ZSWIM6: variants seen among roughly 807,000 people sequenced by gnomAD.
ZSWIM6 encodes zinc finger SWIM domain-containing protein 6.
In ZSWIM6, 9 loss-of-function variants were observed where a neutral mutation model predicts 113.2. The ratio of observed to expected loss-of-function variants is 0.08; its 90% CI spans 0.05 to 0.14. ZSWIM6 has a LOEUF of 0.14. Ranked by LOEUF, ZSWIM6 falls within the 10% of genes least tolerant of loss-of-function variation. The pLI, the probability that ZSWIM6 is intolerant of heterozygous loss-of-function variation, is 1.00. For missense variants in ZSWIM6, 1,162 were observed against 1,552.2 expected (o/e 0.75, Z 4.22); for synonymous variants, 611 against 606.5 (o/e 1.01, Z -0.11).
chr5:61,349,844 T>C (rs561421177), intron 1 of ZSWIM6, among the ~76,000 whole-genome samples: 5 of 152,344 alleles, frequency 3.3e-5, no homozygotes, highest in African/African-American at 1.2e-4. Context: ...GTTTCATTTT[T>C]AAAAGAAATT....
intron 9 of ZSWIM6, among the ~76,000 whole-genome samples, chr5:61,533,852 G>A (rs1749508073): frequency 6.6e-6 from 1 of 152,206 alleles, no homozygotes; most frequent in African/African-American, 2.4e-5. Flanking sequence ...TCTGGAGGCT[G>A]GGAAGTTTAG....
intron 1 of ZSWIM6, among the ~76,000 whole-genome samples, chr5:61,338,781 G>C (rs1744461782): frequency 6.6e-6 from 1 of 152,158 alleles, no homozygotes; most frequent in Non-Finnish European, 1.5e-5. Flanking sequence ...TACACCCTGG[G>C]ATTGAAAAGG....
chr5:61,349,913 A>C (rs760106294), intron 1 of ZSWIM6, among the ~76,000 whole-genome samples: 8 of 152,240 alleles, frequency 5.3e-5, no homozygotes, highest in Admixed American at 2.0e-4. Context: ...TGCAAAAAAA[A>C]CACATAACTT....
chr5:61,471,788 T>C (rs1039651381), intron 1 of ZSWIM6, among the ~76,000 whole-genome samples: 3 of 152,186 alleles, frequency 2.0e-5, no homozygotes, highest in Non-Finnish European at 4.4e-5. Context: ...TGGAAAATTA[T>C]CTAATTGTCT....
chr5:61,451,445 A>G (rs1747085747), intron 1 of ZSWIM6, among the ~76,000 whole-genome samples: 1 of 152,170 alleles, frequency 6.6e-6, no homozygotes. Flanking sequence ...TGCATAAGAT[A>G]CTTCAAAATC....
Position 61,531,511 on chromosome 5 carries a change from A to G in ZSWIM6, c.2031A>G (p.Ala677=). 1 of 1,551,720 alleles carries G rather than the reference A, an allele frequency of 6.4e-7. No individual in the cohort carries two copies. The highest frequency in any genetic ancestry group is 1.2e-5 in the South Asian group (1 of 84,064). The change falls in exon 9 of 14, where the codon GCA becomes GCG. Residue 677 remains alanine, a synonymous_variant. Coordinates refer to ENST00000252744, the MANE Select transcript of ZSWIM6 (RefSeq NM_020928.2). The part of the protein sequence containing the change: ...CKSLEYQHLP[A]HKFLEEGESY... Reference sequence around the variant, plus strand: ...CTCTGGAATACCAGCATCTACCTGCACACAAATTCTTAGAAGAAGGGGAAT... The same window carrying G: ...CTCTGGAATACCAGCATCTACCTGCGCACAAATTCTTAGAAGAAGGGGAAT...
At chr5:61,348,522 T>A (rs1744715197) in intron 1 of ZSWIM6, among the ~76,000 whole-genome samples, 2 of 152,218 alleles carry the variant, frequency 1.3e-5, no homozygotes, top group African/African-American at 2.4e-5. Flanking sequence ...ATGTAATCTG[T>A]AAAAAGTTCA....
intron 1 of ZSWIM6, among the ~76,000 whole-genome samples, chr5:61,334,917 C>G (rs1744362024): frequency 6.6e-6 from 1 of 150,950 alleles, no homozygotes; most frequent in Non-Finnish European, 1.5e-5. Context: ...CCCCCTCCCT[C>G]TCCCTGTGCT....
Position 61,490,942 on chromosome 5 carries a change from T to G in ZSWIM6, c.1182+8T>G. 9 of 1,518,966 alleles carry G rather than the reference T, an allele frequency of 5.9e-6. No individual in the cohort carries two copies. The highest frequency in any genetic ancestry group is 7.9e-6 in the Non-Finnish European group (9 of 1,137,688). The allele number at this position is 1,518,966 out of a possible 1,614,324, so 94.1% of individuals were successfully genotyped here. ...AATTTGCTCTTTGCAAAGGTATGAT[T>G]GTCTATTTCTAAAGAAATATTCTAA... On this transcript the variant is annotated splice_region_variant and intron_variant, in intron 3 of 13. Coordinates refer to ENST00000252744, the MANE Select transcript of ZSWIM6 (RefSeq NM_020928.2).
At chr5:61,495,784 A>G (rs1748299220) in intron 4 of ZSWIM6, among the ~76,000 whole-genome samples, 1 of 152,144 alleles carries the variant, frequency 6.6e-6, no homozygotes, top group Non-Finnish European at 1.5e-5. Context: ...TAACTCTAGT[A>G]TAGACTTGAT....
At chr5:61,394,634 A>G (rs1256024758) in intron 1 of ZSWIM6, among the ~76,000 whole-genome samples, 1 of 152,144 alleles carries the variant, frequency 6.6e-6, no homozygotes, top group East Asian at 1.9e-4. Context: ...CTTCCTGAGG[A>G]TCTGTGAAGT....
chr5:61,392,970 A>G lies in ZSWIM6; in HGVS notation c.676+60022A>G, dbSNP rs181633742. Reference sequence around the variant, plus strand: ...CTGTTTTCTCCTGTTAATGAATATGATCTAAAATGGCCATGTTGTGTTCTC... The same window carrying G: ...CTGTTTTCTCCTGTTAATGAATATGGTCTAAAATGGCCATGTTGTGTTCTC... On this transcript the variant is annotated intron_variant, in intron 1 of 13. Coordinates refer to ENST00000252744, the MANE Select transcript of ZSWIM6 (RefSeq NM_020928.2). Among the ~76,000 whole-genome samples the G allele has an allele frequency of 1.9e-4, 29 of 152,094 alleles. 2 individuals carry two copies. The highest frequency in any genetic ancestry group is 7.0e-4 in the African/African-American group (29 of 41,486).
At chr5:61,461,748 A>C (rs1747328402) in intron 1 of ZSWIM6, among the ~76,000 whole-genome samples, 1 of 151,984 alleles carries the variant, frequency 6.6e-6, no homozygotes, top group Non-Finnish European at 1.5e-5. Context: ...TTTTTTTCTT[A>C]TAAGCAGTAT....
chr5:61,428,817 TTTTC>T (rs1188539030), intron 1 of ZSWIM6, among the ~76,000 whole-genome samples: 2 of 152,340 alleles, frequency 1.3e-5, no homozygotes. Context: ...TTTATTATTT[TTTTC>T]TTTCTTTCTG....
At position 61,379,316 on chromosome 5, in the gene ZSWIM6, C is replaced by T. The variant is rs78713577; in HGVS notation, c.676+46368C>T. On this transcript the variant is annotated intron_variant, in intron 1 of 13. Coordinates refer to ENST00000252744, the MANE Select transcript of ZSWIM6 (RefSeq NM_020928.2). The stretch of plus-strand genomic sequence containing the variant: ...TCTTACTGCAATTTCAAGGCTAGAC[C>T]TCGTGTAGGGAAATCTTTTTGTATC... Among the ~76,000 whole-genome samples the T allele has an allele frequency of 3.3e-5, 5 of 151,916 alleles. No individual in the cohort carries two copies. In the East Asian group the frequency reaches 9.6e-4, roughly 29 times the overall value.
At chr5:61,400,856 G>C (rs1361142589) in intron 1 of ZSWIM6, among the ~76,000 whole-genome samples, 1 of 152,094 alleles carries the variant, frequency 6.6e-6, no homozygotes, top group East Asian at 1.9e-4. Flanking sequence ...AAACTGCTGG[G>C]GTCTTTCTGC....
chr5:61,418,546 A>G (rs1269903312), intron 1 of ZSWIM6, among the ~76,000 whole-genome samples: 1 of 152,144 alleles, frequency 6.6e-6, no homozygotes. Flanking sequence ...GGTGTGAGCC[A>G]CTGTGCCCGG....
At chr5:61,408,299 G>A (rs1746081692) in intron 1 of ZSWIM6, among the ~76,000 whole-genome samples, 1 of 152,234 alleles carries the variant, frequency 6.6e-6, no homozygotes, top group South Asian at 2.1e-4. Context: ...ACTGAGGGAC[G>A]AAGTTGGAGG....
At chr5:61,431,267 GGAGGCA>G in intron 1 of ZSWIM6, among the ~76,000 whole-genome samples, 1 of 150,796 alleles carries the variant, frequency 6.6e-6, no homozygotes, top group South Asian at 2.1e-4. Flanking sequence ...CAGCTACTCA[GGAGGCA>G]GAGGCAGGGG....
Sources: gnomAD v4.1 joint callset for allele counts (sites outside exome capture counted in the v4.1 genomes callset) on GRCh38, gnomAD v4.1.1 for gene constraint, MANE v1.5 for transcripts, NCBI Gene and HGNC (gene_info 2026-07-23, HGNC 2026-07-21) for gene names.